The following ARHGEF3 variants were observed in gnomAD, a reference collection of about 807,000 sequenced individuals.
The protein encoded by ARHGEF3 is Rho guanine nucleotide exchange factor 3.
ARHGEF3 carries 28 observed loss-of-function variants against 63.2 expected under a neutral mutation model. The ratio of observed to expected loss-of-function variants is 0.44; its 90% confidence interval spans 0.33 to 0.61. The LOEUF (loss-of-function observed/expected upper bound fraction) is 0.61, where lower values mean the gene tolerates loss of function less well. Among genes scored for constraint, ARHGEF3 ranks in the 20% least tolerant of loss-of-function variants. The pLI, the probability that ARHGEF3 is intolerant of heterozygous loss-of-function variation, is 0.03. For missense variants in ARHGEF3, 533 were observed against 659.3 expected (o/e 0.81, Z 2.10); for synonymous variants, 266 against 254.2 (o/e 1.05, Z -0.44).
chr3:56,873,561 T>A (rs1463708902), intron 4 of ARHGEF3, among the ~76,000 whole-genome samples: 2 of 152,120 alleles, frequency 1.3e-5, no homozygotes, highest in Non-Finnish European at 2.9e-5. Flanking sequence ...CATGATCTCA[T>A]TCTTTTTTAA....
At position 56,985,324 on chromosome 3, in the gene ARHGEF3, G is replaced by A. The variant is rs192176894; in HGVS notation, c.63-26435C>T. Reference sequence around the variant, plus strand: ...GGCTGGTCTTGAACTCCTGGCCTCAGGCGATCTGCCCGCCTCGGCCTCCCA... The same window carrying A: ...GGCTGGTCTTGAACTCCTGGCCTCAAGCGATCTGCCCGCCTCGGCCTCCCA... On this transcript the variant is annotated intron_variant, in intron 2 of 12. Coordinates refer to the ARHGEF3 transcript ENST00000338458. Among the ~76,000 whole-genome samples, 636 of 152,352 alleles carry A rather than the reference G, an allele frequency of 4.2e-3. 3 individuals carry two copies. The highest frequency in any genetic ancestry group is 6.9e-3 in the Non-Finnish European group (469 of 68,028).
intron 2 of ARHGEF3, among the ~76,000 whole-genome samples, chr3:56,963,152 T>C (rs1246619575): frequency 6.6e-6 from 1 of 151,974 alleles, no homozygotes; most frequent in Non-Finnish European, 1.5e-5. Flanking sequence ...CATTTTCTCA[T>C]CTGTAAAGTG....
At chr3:57,026,572 C>T (rs986765408) in intron 2 of ARHGEF3, among the ~76,000 whole-genome samples, 1 of 152,328 alleles carries the variant, frequency 6.6e-6, no homozygotes, top group African/African-American at 2.4e-5. Context: ...ACATGATGTA[C>T]ATGGTCTCCA....
intron 3 of ARHGEF3, among the ~76,000 whole-genome samples, chr3:56,908,869 A>T (rs1021958081): frequency 6.6e-6 from 1 of 152,192 alleles, no homozygotes; most frequent in Non-Finnish European, 1.5e-5. Context: ...TATATACCCA[A>T]AGGAAGAGAA....
At chr3:56,757,329 C>G (rs996697320) in intron 2 of ARHGEF3, among the ~76,000 whole-genome samples, 1 of 151,968 alleles carries the variant, frequency 6.6e-6, no homozygotes, top group East Asian at 1.9e-4. Flanking sequence ...AAAAATTAGC[C>G]GGGGCGTGGT....
Position 56,728,712 on chromosome 3 carries a change from T to G in ARHGEF3, c.*558A>C, listed in dbSNP as rs140919905. 6.5e-6 allele frequency: 1 copy of G among 153,028 alleles called. No individual in the cohort carries two copies. The highest frequency in any genetic ancestry group is 1.9e-4 in the East Asian group (1 of 5,186). The allele number at this position is 153,028 out of a possible 1,614,324, so 9.5% of individuals were successfully genotyped here. A position where few individuals can be genotyped will look rare whatever the true frequency, so the allele number is the denominator to read the frequency against. ...AGACAATGCATCCTCCTTTGCAAAA[T>G]TAAGCCTTCAGAATCCCCAGGGATG... On this transcript the variant is annotated 3_prime_UTR_variant, in exon 10 of 10. Coordinates refer to ENST00000296315, the MANE Select transcript of ARHGEF3 (RefSeq NM_019555.3).
chr3:56,761,111 A>T (rs2035389421), intron 2 of ARHGEF3, among the ~76,000 whole-genome samples: 1 of 152,112 alleles, frequency 6.6e-6, no homozygotes. Context: ...GTCTCTATAA[A>T]AAAGAATAAT....
intron 2 of ARHGEF3, among the ~76,000 whole-genome samples, chr3:56,771,980 G>T (rs2107834060): frequency 6.6e-6 from 1 of 152,322 alleles, no homozygotes; most frequent in African/African-American, 2.4e-5. Context: ...TGCCTGCGAT[G>T]AACTTGTCGA....
intron 3 of ARHGEF3, among the ~76,000 whole-genome samples, chr3:56,902,128 A>G (rs2041529103): frequency 6.6e-6 from 1 of 152,228 alleles, no homozygotes; most frequent in Non-Finnish European, 1.5e-5. Context: ...TATGGGAGCT[A>G]GAACAAGAAG....
intron 3 of ARHGEF3, among the ~76,000 whole-genome samples, chr3:56,927,470 T>C (rs1472093789): frequency 6.6e-6 from 1 of 152,010 alleles, no homozygotes; most frequent in Non-Finnish European, 1.5e-5. Flanking sequence ...GTATAATATA[T>C]AACATAAACT....
At chr3:56,831,197 C>G (rs940216403) in intron 4 of ARHGEF3, among the ~76,000 whole-genome samples, 11 of 152,208 alleles carry the variant, frequency 7.2e-5, no homozygotes, top group African/African-American at 2.4e-4. Context: ...GAGGCAACAG[C>G]TATGTTTTAA....
intron 3 of ARHGEF3, among the ~76,000 whole-genome samples, chr3:56,910,026 C>G (rs1250594985): frequency 6.6e-6 from 1 of 152,066 alleles, no homozygotes; most frequent in African/African-American, 2.4e-5. Context: ...GACAGACCAC[C>G]CCAGCCAACT....
intron 3 of ARHGEF3, among the ~76,000 whole-genome samples, chr3:56,936,757 T>C (rs1001660163): frequency 6.6e-6 from 1 of 152,200 alleles, no homozygotes; most frequent in Non-Finnish European, 1.5e-5. Context: ...TCTCACTCCA[T>C]TGCCCAGGCT....
chr3:56,953,461 T>C (rs1480926459), intron 3 of ARHGEF3, among the ~76,000 whole-genome samples: 2 of 152,196 alleles, frequency 1.3e-5, no homozygotes, highest in South Asian at 2.1e-4. Context: ...CATTATTTTC[T>C]GGCTGTCCAG....
At chr3:56,928,491 A>T (rs2042332435) in intron 3 of ARHGEF3, among the ~76,000 whole-genome samples, 1 of 152,134 alleles carries the variant, frequency 6.6e-6, no homozygotes, top group Admixed American at 6.5e-5. Context: ...CTTTGAAAGC[A>T]CAAAGCTGCT....
intron 3 of ARHGEF3, among the ~76,000 whole-genome samples, chr3:56,922,869 G>C (rs2042177726): frequency 6.6e-6 from 1 of 151,758 alleles, no homozygotes; most frequent in African/African-American, 2.4e-5. Context: ...AGGATGGTAG[G>C]ATACTAACTG....
At chr3:56,954,905 G>A (rs1318818348) in intron 3 of ARHGEF3, among the ~76,000 whole-genome samples, 1 of 152,176 alleles carries the variant, frequency 6.6e-6, no homozygotes. Context: ...TGCAGGGAAT[G>A]TTTCCAGGGA....
chr3:56,788,125 A>C (rs1295379800), intron 1 of ARHGEF3, among the ~76,000 whole-genome samples: 1 of 152,176 alleles, frequency 6.6e-6, no homozygotes. Flanking sequence ...TCAGAATCTT[A>C]GTGAGCCCAG....
At chr3:56,786,299 C>T (rs1475465427) in intron 1 of ARHGEF3, among the ~76,000 whole-genome samples, 1 of 152,210 alleles carries the variant, frequency 6.6e-6, no homozygotes, top group East Asian at 1.9e-4. Flanking sequence ...TCTTACCACT[C>T]ACTGAGCAAG....
Sources: gnomAD v4.1 joint callset for allele counts (sites outside exome capture counted in the v4.1 genomes callset) on GRCh38, gnomAD v4.1.1 for gene constraint, MANE v1.5 for transcripts, NCBI Gene and HGNC (gene_info 2026-07-23, HGNC 2026-07-21) for gene names.